Variants in EYS observed in about 807,000 individuals in gnomAD.
EYS encodes protein eyes shut homolog.
Under a neutral mutation model 282.1 loss-of-function variants are expected in EYS, and 250 were observed. The observed-to-expected ratio is 0.89, with a 90% confidence interval of 0.80 to 0.98. EYS has a LOEUF of 0.98. EYS is among the 50% of genes least tolerant of loss of function. EYS has a pLI of 0.00. For missense variants in EYS, 4,016 were observed against 3,709.0 expected, an observed-to-expected ratio of 1.08 and a Z score of -2.15; for synonymous variants, 1,355 against 1,282.9, an observed-to-expected ratio of 1.06 and a Z score of -1.20.
At chr6:65,497,604 G>A (rs895376737) in intron 2 of EYS, among the ~76,000 whole-genome samples, 3 of 151,978 alleles carry the variant, frequency 2.0e-5, no homozygotes, top group African/African-American at 7.2e-5. Context: ...TCTCAGTAAA[G>A]GAGCTCATAT....
intron 16 of EYS, 31 bp from the exon 17 acceptor site, chr6:64,902,531 G>A (rs1372662730): frequency 2.3e-6 from 3 of 1,299,344 alleles, no homozygotes; most frequent in South Asian, 1.4e-5. Flanking sequence ...GTATGGATGA[G>A]CAATCCTTGT....
At chr6:64,506,588 G>A (rs1388146180) in intron 26 of EYS, among the ~76,000 whole-genome samples, 1 of 152,092 alleles carries the variant, frequency 6.6e-6, no homozygotes, top group East Asian at 1.9e-4. Flanking sequence ...GTTCAAAGTA[G>A]CTTTACTTCC....
intron 10 of EYS, among the ~76,000 whole-genome samples, chr6:65,337,616 C>T (rs1178895542): frequency 6.6e-6 from 1 of 150,816 alleles, no homozygotes; most frequent in Admixed American, 6.6e-5. Flanking sequence ...AGAGAATATT[C>T]TCTTTTGTTA....
rs140444065 is a variant in EYS, at chr6:64,536,042, T to C, written c.5644+54181A>G. On this transcript the variant is annotated intron_variant, in intron 26 of 42. Transcript: ENST00000503581. Reference sequence around the variant, plus strand: ...ATGAGAATATGAATTTTTAAAAAGTTTGTTTTCTAATACCATATATCAACT... The same window carrying C: ...ATGAGAATATGAATTTTTAAAAAGTCTGTTTTCTAATACCATATATCAACT... Among the ~76,000 whole-genome samples, 722 of 152,156 alleles carry C rather than the reference T, an allele frequency of 4.7e-3. 7 individuals carry two copies. The highest frequency in any genetic ancestry group is 0.016 in the African/African-American group (680 of 41,556).
intron 31 of EYS, among the ~76,000 whole-genome samples, chr6:64,171,732 A>T (rs1562236842): frequency 6.6e-6 from 1 of 152,180 alleles, no homozygotes; most frequent in African/African-American, 2.4e-5. Flanking sequence ...ATTAAAAAAA[A>T]GTTTTAGATG....
chr6:65,266,989 T>TATATATATAG lies in EYS; in HGVS notation c.2023+28873_2023+28874insCTATATATAT, dbSNP rs144200033. Among the ~76,000 whole-genome samples the TATATATATAG allele has an allele frequency of 2.3e-3, 325 of 142,118 alleles. 3 individuals carry two copies. The highest frequency in any genetic ancestry group is 7.6e-3 in the African/African-American group (290 of 37,960). The allele number at this position is 142,118 out of a possible 152,430, so 93.2% of individuals were successfully genotyped here. On this transcript the variant is annotated intron_variant, in intron 12 of 42. Coordinates refer to ENST00000503581, the MANE Select transcript of EYS (RefSeq NM_001142800.2). ...ACACATACCTTGACATATATATATA[T>TATATATATAG]AGAGAGAGAGAGAGAGAGAGATCAC...
intron 41 of EYS, among the ~76,000 whole-genome samples, chr6:63,760,517 T>G (rs1244193913): frequency 6.6e-6 from 1 of 152,050 alleles, no homozygotes; most frequent in Non-Finnish European, 1.5e-5. Flanking sequence ...TTTGGTTAAC[T>G]TTGTGTTAGA....
intron 26 of EYS, among the ~76,000 whole-genome samples, chr6:64,463,194 G>T (rs1282556946): frequency 6.6e-6 from 1 of 152,010 alleles, no homozygotes; most frequent in East Asian, 1.9e-4. Context: ...CTGGTGATCT[G>T]CCCCTCTAGG....
At chr6:64,045,555 C>T (rs1229625712) in intron 33 of EYS, among the ~76,000 whole-genome samples, 1 of 151,474 alleles carries the variant, frequency 6.6e-6, no homozygotes, top group Non-Finnish European at 1.5e-5. Flanking sequence ...AAACGATTCT[C>T]CTGCCTCAGC....
intron 14 of EYS, among the ~76,000 whole-genome samples, chr6:64,983,228 AC>A (rs147220657): frequency 5.0e-4 from 75 of 151,324 alleles, no homozygotes; most frequent in African/African-American, 1.8e-3. Context: ...GGATTGCTAC[AC>A]TGCCTAGACA....
chr6:63,896,665 C>A (rs962103366), intron 35 of EYS, among the ~76,000 whole-genome samples: 1 of 152,208 alleles, frequency 6.6e-6, no homozygotes, highest in Non-Finnish European at 1.5e-5. Flanking sequence ...ACCATTCATG[C>A]AGAATATTTT....
At position 65,575,051 on chromosome 6, in the gene EYS, G is replaced by C. The variant is rs543476850; in HGVS notation, c.-333+64727C>G. 2.0e-5 allele frequency among the ~76,000 whole-genome samples: 3 copies of C among 152,218 alleles called. No individual in the cohort carries two copies. The East Asian group carries it at 5.8e-4, about 29-fold the overall frequency. ...CAAGAATAAATTATGGCTGGACGTG[G>C]TGGCTCACGCCTATAATCCTAGCAC... is the stretch of plus-strand genomic sequence containing the variant. On this transcript the variant is annotated intron_variant, in intron 2 of 42. Coordinates refer to ENST00000503581, the MANE Select transcript of EYS (RefSeq NM_001142800.2).
At chr6:64,123,328 ATAT>A (rs1238800710) in intron 31 of EYS, among the ~76,000 whole-genome samples, 2 of 152,204 alleles carry the variant, frequency 1.3e-5, no homozygotes, top group East Asian at 3.8e-4. Flanking sequence ...CTCTCATTTT[ATAT>A]TATTAATTTT....
intron 26 of EYS, among the ~76,000 whole-genome samples, chr6:64,581,796 A>G (rs764211574): frequency 6.6e-6 from 1 of 152,030 alleles, no homozygotes; most frequent in Non-Finnish European, 1.5e-5. Context: ...CCCACACTGG[A>G]TAGATCTAAG....
chr6:64,033,217 T>C (rs1395487114), intron 33 of EYS, among the ~76,000 whole-genome samples: 1 of 152,244 alleles, frequency 6.6e-6, no homozygotes, highest in East Asian at 1.9e-4. Flanking sequence ...TGTCTTGTTG[T>C]TGTTTCTACT....
intron 26 of EYS, among the ~76,000 whole-genome samples, chr6:64,489,164 A>T (rs1776662295): frequency 6.6e-6 from 1 of 150,876 alleles, no homozygotes; most frequent in Admixed American, 6.6e-5. Flanking sequence ...GATTTATTAG[A>T]GATTAGAGAA....
intron 22 of EYS, among the ~76,000 whole-genome samples, chr6:64,752,050 T>C (rs942511978): frequency 2.0e-5 from 3 of 151,806 alleles, no homozygotes; most frequent in African/African-American, 7.3e-5. Flanking sequence ...AGATAAACAA[T>C]TCTGGAACTA....
chr6:65,178,321 G>C (rs1385064193), intron 12 of EYS, among the ~76,000 whole-genome samples: 3 of 151,900 alleles, frequency 2.0e-5, no homozygotes, highest in Non-Finnish European at 4.4e-5. Flanking sequence ...TTCTAAACTT[G>C]TTACTGTCTT....
intron 31 of EYS, among the ~76,000 whole-genome samples, chr6:64,131,558 G>A (rs1562217080): frequency 6.6e-6 from 1 of 152,174 alleles, no homozygotes; most frequent in East Asian, 1.9e-4. Context: ...GGGGAGTACA[G>A]TATGTGTGTG....
Sources: allele counts gnomAD v4.1 joint callset (sites outside exome capture counted in the v4.1 genomes callset), GRCh38; gene constraint gnomAD v4.1.1; transcripts MANE v1.5; gene names NCBI Gene and HGNC (gene_info 2026-07-23, HGNC 2026-07-21).